Variants in PRDM12 observed in about 807,000 individuals in gnomAD.
The protein encoded by PRDM12 is PR/SET domain 12, also known as PR domain zinc finger protein 12.
A neutral mutation model predicts 29.6 loss-of-function variants in PRDM12; 17 were observed. That is an observed-to-expected ratio of 0.57 (90% CI 0.39 to 0.86). The LOEUF (loss-of-function observed/expected upper bound fraction) is 0.86. PRDM12 is among the 40% of genes least tolerant of loss of function. PRDM12 has a pLI of 0.00. For missense variants in PRDM12, 422 were observed against 510.8 expected (o/e 0.83, Z 1.68); for synonymous variants, 231 against 225.8 (o/e 1.02, Z -0.21).
chr9:130,668,835 G>T lies in PRDM12; in HGVS notation c.570+522G>T, dbSNP rs558923881. ...CAGGCTTCTCCCAGATGCTGGATAT[G>T]CAGTATGGTATTTAATCCCCACGGG... On this transcript the variant is annotated intron_variant, in intron 3 of 4. Coordinates refer to ENST00000253008, the MANE Select transcript of PRDM12 (RefSeq NM_021619.3). This position sits in a 1 kb window ranked among gnomAD's most constrained non-coding sequence, Gnocchi z 4.0. Among the ~76,000 whole-genome samples, 2 of 152,266 alleles carry T rather than the reference G, an allele frequency of 1.3e-5. No homozygotes were observed. The highest frequency in any genetic ancestry group is 4.8e-5 in the African/African-American group (2 of 41,554).
At chr9:130,680,655 A>ATTTTTTTTTTTTTTTT (rs1247286672) in intron 4 of PRDM12, among the ~76,000 whole-genome samples, 1 of 85,552 alleles carries the variant, frequency 1.2e-5, no homozygotes, top group African/African-American at 7.5e-5. Context: ...ATATATATAT[A>ATTTTTTTTTTTTTTTT]TATATTTTTT....
rs572008744 is a variant in PRDM12, at chr9:130,676,375, A to G, written c.571-2154A>G. The stretch of plus-strand genomic sequence containing the variant: ...CGTGGGTGTGGTGGCGGGCACCTGT[A>G]GTCCCAGCTACTCAGGAGGCTGAGG... On this transcript the variant is annotated intron_variant, in intron 3 of 4. Transcript: ENST00000253008. 9.0e-4 allele frequency among the ~76,000 whole-genome samples: 137 copies of G among 152,230 alleles called. 2 individuals carry two copies. Among genetic ancestry groups the G allele is most frequent in the Admixed American group, 3.6e-3 (55 of 15,294 alleles).
chr9:130,673,329 G>A (rs771423205), intron 3 of PRDM12, among the ~76,000 whole-genome samples: 1 of 152,204 alleles, frequency 6.6e-6, no homozygotes, highest in Non-Finnish European at 1.5e-5. Flanking sequence ...GGTTTCCCGG[G>A]CTTGATAGTA....
chr9:130,674,681 C>A (rs1180342669), intron 3 of PRDM12, among the ~76,000 whole-genome samples: 1 of 152,030 alleles, frequency 6.6e-6, no homozygotes, highest in East Asian at 1.9e-4. Flanking sequence ...AGCAAACCAG[C>A]GACAGTGGCT....
At position 130,681,717 on chromosome 9, in the gene PRDM12, AC is replaced by A. The variant is rs1830906479; in HGVS notation, c.*52del. Reference sequence around the variant, plus strand: ...CCCCGCGCGCTCCTGGGTCCCCGGCACCCCGGCCCCGCAGCGCGACTCGCCC... The same window carrying A: ...CCCCGCGCGCTCCTGGGTCCCCGGCACCCGGCCCCGCAGCGCGACTCGCCC... On this transcript the variant is annotated 3_prime_UTR_variant, in exon 5 of 5. Coordinates refer to ENST00000253008, the MANE Select transcript of PRDM12 (RefSeq NM_021619.3). The surrounding 1 kb of genome is among the most constrained non-coding windows in gnomAD (Gnocchi z 8.1). 1.0e-6 allele frequency: 1 copy of A among 978,532 alleles called. No individual in the cohort carries two copies. The highest frequency in any genetic ancestry group is 1.2e-6 in the Non-Finnish European group (1 of 826,002). 60.6% of individuals were successfully genotyped at this position (978,532 alleles called of 1,614,324 possible).
At chr9:130,670,882 G>T (rs535571655) in intron 3 of PRDM12, among the ~76,000 whole-genome samples, 1 of 152,186 alleles carries the variant, frequency 6.6e-6, no homozygotes, top group African/African-American at 2.4e-5. Flanking sequence ...GTCTCATCTC[G>T]CTGTGCAGGT....
At chr9:130,667,579 A>G (rs545266846) in intron 2 of PRDM12, among the ~76,000 whole-genome samples, 16 of 151,840 alleles carry the variant, frequency 1.1e-4, no homozygotes, top group African/African-American at 3.9e-4. Context: ...GAACTGCGGG[A>G]TGGCCCAGAG....
At chr9:130,679,573 T>C (rs1315796264) in intron 4 of PRDM12, among the ~76,000 whole-genome samples, 1 of 152,190 alleles carries the variant, frequency 6.6e-6, no homozygotes, top group Admixed American at 6.5e-5. Context: ...CCTCAAGCGA[T>C]CTGCCCACTT....
chr9:130,667,578 G>A (rs1161490816), intron 2 of PRDM12, among the ~76,000 whole-genome samples: 1 of 152,128 alleles, frequency 6.6e-6, no homozygotes, highest in Non-Finnish European at 1.5e-5. Flanking sequence ...AGAACTGCGG[G>A]ATGGCCCAGA....
At chr9:130,670,921 G>A (rs1239494108) in intron 3 of PRDM12, among the ~76,000 whole-genome samples, 1 of 152,134 alleles carries the variant, frequency 6.6e-6, no homozygotes, top group Admixed American at 6.6e-5. Context: ...AACAAAGTCA[G>A]GAAACATGAA....
intron 3 of PRDM12, among the ~76,000 whole-genome samples, chr9:130,672,382 T>C (rs1830796939): frequency 6.6e-6 from 1 of 152,030 alleles, no homozygotes; most frequent in South Asian, 2.1e-4. Flanking sequence ...TTTTAGTAGA[T>C]TTCCCCATGT....
chr9:130,667,567 T>A lies in PRDM12; in HGVS notation c.415-591T>A, dbSNP rs542618142. Among the ~76,000 whole-genome samples the A allele has an allele frequency of 2.0e-5, 3 of 151,724 alleles. No homozygotes were observed. The East Asian group carries it at 5.9e-4, about 30-fold the overall frequency. ...CGGACCCTGGAGAAGCCCAACTTGA[T>A]AGAACTGCGGGATGGCCCAGAGGCC... On this transcript the variant is annotated intron_variant, in intron 2 of 4. Transcript: ENST00000253008.
At chr9:130,680,809 A>C (rs942918707) in intron 4 of PRDM12, among the ~76,000 whole-genome samples, 1 of 151,518 alleles carries the variant, frequency 6.6e-6, no homozygotes, top group Non-Finnish European at 1.5e-5. Flanking sequence ...AGGGGTCATC[A>C]CAGTTGCTCC....
intron 2 of PRDM12, among the ~76,000 whole-genome samples, chr9:130,667,147 C>A (rs940144122): frequency 6.6e-6 from 1 of 152,248 alleles, no homozygotes; most frequent in Admixed American, 6.5e-5. Context: ...TTCCCAGCCA[C>A]TTACATTCTT....
chr9:130,672,607 C>T (rs375611812), intron 3 of PRDM12, among the ~76,000 whole-genome samples: 6 of 152,322 alleles, frequency 3.9e-5, no homozygotes, highest in African/African-American at 1.2e-4. Context: ...TGCTGAGCTG[C>T]GATGGGAACC....
intron 3 of PRDM12, among the ~76,000 whole-genome samples, chr9:130,676,024 A>G (rs767213069): frequency 6.6e-6 from 1 of 152,196 alleles, no homozygotes; most frequent in Non-Finnish European, 1.5e-5. Flanking sequence ...AAGGTCACAC[A>G]TGGACCTGGT....
intron 3 of PRDM12, among the ~76,000 whole-genome samples, chr9:130,669,654 A>G (rs1830769550): frequency 6.6e-6 from 1 of 151,370 alleles, no homozygotes; most frequent in Non-Finnish European, 1.5e-5. Flanking sequence ...TCTCTACTAA[A>G]AAATACAAAA....
chr9:130,676,275 G>T (rs1236735213), intron 3 of PRDM12, among the ~76,000 whole-genome samples: 1 of 152,104 alleles, frequency 6.6e-6, no homozygotes, highest in Non-Finnish European at 1.5e-5. Context: ...CGGATCACGA[G>T]ATCAGGAGAT....
chr9:130,668,344 G>A lies in PRDM12; in HGVS notation c.570+31G>A. The A allele has an allele frequency of 6.2e-7, 1 of 1,607,388 alleles. No homozygotes were observed. Among genetic ancestry groups the A allele is most frequent in the Non-Finnish European group, 8.5e-7 (1 of 1,175,246 alleles). On this transcript the variant is annotated intron_variant, in intron 3 of 4. Coordinates refer to ENST00000253008, the MANE Select transcript of PRDM12 (RefSeq NM_021619.3). The surrounding 1 kb of genome is among the most constrained non-coding windows in gnomAD (Gnocchi z 4.0). ...TGTGTGTGTGTGCACTGTTGTGTAG[G>A]GACCAGCCGGTAAACCCGGCGGGGG...
Sources: allele counts gnomAD v4.1 joint callset (sites outside exome capture counted in the v4.1 genomes callset), GRCh38; gene constraint gnomAD v4.1.1; non-coding constraint Gnocchi (gnomAD v3.1); transcripts MANE v1.5; gene names NCBI Gene and HGNC (gene_info 2026-07-23, HGNC 2026-07-21).